NANOS3: variants seen among roughly 807,000 people sequenced by gnomAD.
NANOS3 encodes nanos C2HC-type zinc finger 3.
Under a neutral mutation model 13.8 loss-of-function variants are expected in NANOS3, and 11 were observed. The ratio of observed to expected loss-of-function variants is 0.80; its 90% confidence interval spans 0.50 to 1.32. The LOEUF (loss-of-function observed/expected upper bound fraction) is 1.32, where lower values mean the gene tolerates loss of function less well. NANOS3 is among the 40% of genes most tolerant of loss of function. The pLI, the probability that NANOS3 is intolerant of heterozygous loss-of-function variation, is 0.00. For missense variants in NANOS3, 221 were observed against 263.8 expected (o/e 0.84, Z 1.12); for synonymous variants, 119 against 115.4 (o/e 1.03, Z -0.20).
chr19:13,865,734 G>C (rs540246165), intron 1 of NANOS3, among the ~76,000 whole-genome samples: 2 of 151,318 alleles, frequency 1.3e-5, no homozygotes, highest in Non-Finnish European at 3.0e-5. Flanking sequence ...GGGCCGCCAG[G>C]GGGAGGGCAA....
At chr19:13,874,347 A>T (rs1968465407), upstream of NANOS3, among the ~76,000 whole-genome samples, 1 of 152,122 alleles carries the variant, frequency 6.6e-6, no homozygotes, top group African/African-American at 2.4e-5. Flanking sequence ...ACTTCCCGGG[A>T]ACACTTGGAA....
At position 13,880,428 on chromosome 19, in the gene NANOS3, T is replaced by C. The variant is rs1968611759; in HGVS notation, c.518-14T>C. Reference sequence around the variant, plus strand: ...GCCTGTGATTAAGCATTTCTCTCCCTCCCCCTCCACTAGGTTTCAGAGGTG... The same window carrying C: ...GCCTGTGATTAAGCATTTCTCTCCCCCCCCCTCCACTAGGTTTCAGAGGTG... On this transcript the variant is annotated splice_polypyrimidine_tract_variant and intron_variant, in intron 1 of 1. Coordinates refer to ENST00000339133, the MANE Select transcript of NANOS3 (RefSeq NM_001098622.3). 2.5e-6 allele frequency: 4 copies of C among 1,609,070 alleles called. No homozygotes were observed. Among genetic ancestry groups the C allele is most frequent in the South Asian group, 1.1e-5 (1 of 90,820 alleles).
chr19:13,880,083 G>A (rs1411182498), intron 1 of NANOS3, among the ~76,000 whole-genome samples: 1 of 152,228 alleles, frequency 6.6e-6, no homozygotes, highest in African/African-American at 2.4e-5. Flanking sequence ...TTCCTGTGAG[G>A]TTTGATGCTG....
chr19:13,869,760 A>ACACACACACGCACG (rs1220547695), intron 1 of NANOS3, among the ~76,000 whole-genome samples: 3 of 150,430 alleles, frequency 2.0e-5, no homozygotes, highest in East Asian at 2.0e-4. Flanking sequence ...AAGTACACAC[A>ACACACACACGCACG]CACACACACG....
At chr19:13,874,960 G>A (rs762192407), upstream of NANOS3, 13 of 529,582 alleles carry the variant, frequency 2.5e-5, no homozygotes, top group Non-Finnish European at 4.7e-5. Context: ...GACCCACCGG[G>A]GGATGAATGT....
chr19:13,864,466 A>C (rs1252020950), upstream of NANOS3, among the ~76,000 whole-genome samples: 1 of 152,036 alleles, frequency 6.6e-6, no homozygotes, highest in African/African-American at 2.4e-5. Flanking sequence ...CGACTGGTCC[A>C]TTTGACCCGA....
chr19:13,866,493 C>T (rs1044481469), intron 1 of NANOS3, among the ~76,000 whole-genome samples: 1 of 152,220 alleles, frequency 6.6e-6, no homozygotes, highest in African/African-American at 2.4e-5. Flanking sequence ...CCGATTAATA[C>T]GCAGTCGAAA....
intron 1 of NANOS3, among the ~76,000 whole-genome samples, chr19:13,878,729 C>T (rs1002608663): frequency 5.9e-5 from 9 of 151,414 alleles, no homozygotes; most frequent in Admixed American, 2.0e-4. Flanking sequence ...ATTCTCCTGC[C>T]TCAGCCTCCC....
chr19:13,868,694 AAAAG>A (rs1228149296), intron 1 of NANOS3, among the ~76,000 whole-genome samples: 1 of 151,040 alleles, frequency 6.6e-6, no homozygotes, highest in Non-Finnish European at 1.5e-5. Context: ...AAAAAAAAAA[AAAAG>A]AATGAAATCC....
At chr19:13,876,055 A>G (rs1479802600), upstream of NANOS3, among the ~76,000 whole-genome samples, 1 of 152,094 alleles carries the variant, frequency 6.6e-6, no homozygotes, top group Non-Finnish European at 1.5e-5. Flanking sequence ...ACCCCTCTGC[A>G]GCCCCCGCCA....
upstream of NANOS3, among the ~76,000 whole-genome samples, chr19:13,876,671 G>C (rs2145078958): frequency 6.7e-6 from 1 of 150,106 alleles, no homozygotes; most frequent in South Asian, 2.1e-4. Context: ...GACAGCTGGA[G>C]CATCAGCAAC....
At chr19:13,876,702 C>CAT (rs1235621124), upstream of NANOS3, among the ~76,000 whole-genome samples, 1 of 151,976 alleles carries the variant, frequency 6.6e-6, no homozygotes, top group African/African-American at 2.4e-5. Context: ...GACACACACA[C>CAT]ACACAAAGAA....
upstream of NANOS3, among the ~76,000 whole-genome samples, chr19:13,864,608 C>T (rs1464754088): frequency 6.6e-6 from 1 of 151,948 alleles, no homozygotes; most frequent in Non-Finnish European, 1.5e-5. Flanking sequence ...GGCTGTGTAC[C>T]TGGGGTACTG....
upstream of NANOS3, among the ~76,000 whole-genome samples, chr19:13,865,233 C>T (rs1292681032): frequency 2.8e-5 from 4 of 145,012 alleles, no homozygotes; most frequent in South Asian, 8.6e-4. Context: ...GACAGACAGG[C>T]GGGCGGGCGG....
chr19:13,874,227 T>C (rs1968461706), upstream of NANOS3, among the ~76,000 whole-genome samples: 1 of 152,104 alleles, frequency 6.6e-6, no homozygotes, highest in African/African-American at 2.4e-5. Flanking sequence ...TCCTAAACCA[T>C]CGTGCCCGGA....
intron 1 of NANOS3, among the ~76,000 whole-genome samples, chr19:13,869,849 T>C (rs1207965616): frequency 2.6e-5 from 4 of 151,454 alleles, no homozygotes; most frequent in African/African-American, 9.7e-5. Flanking sequence ...ATATAGGTAC[T>C]CATGCGTGAA....
chr19:13,880,071 G>A (rs939303874), intron 1 of NANOS3, among the ~76,000 whole-genome samples: 1 of 152,218 alleles, frequency 6.6e-6, no homozygotes, highest in African/African-American at 2.4e-5. Context: ...AGAAGATAGT[G>A]TTTCCTGTGA....
At chr19:13,880,417 AT>A in intron 1 of NANOS3, 24 bp from the exon 2 acceptor site, 3 of 1,611,426 alleles carry the variant, frequency 1.9e-6, no homozygotes, top group Non-Finnish European at 2.5e-6. Flanking sequence ...GTGATTAAGC[AT>A]TTCTCTCCCT....
intron 1 of NANOS3, among the ~76,000 whole-genome samples, chr19:13,865,817 C>T (rs1021635295): frequency 1.0e-4 from 15 of 149,332 alleles, no homozygotes; most frequent in Admixed American, 4.0e-4. Flanking sequence ...CCGCCCGACA[C>T]CTGACCGCGC....
Sources: allele counts gnomAD v4.1 joint callset (sites outside exome capture counted in the v4.1 genomes callset), GRCh38; gene constraint gnomAD v4.1.1; transcripts MANE v1.5; gene names NCBI Gene and HGNC (gene_info 2026-07-23, HGNC 2026-07-21).